SRCAP: variants seen among roughly 807,000 people sequenced by gnomAD.
SRCAP encodes Snf2 related CREBBP activator protein.
A neutral mutation model predicts 263.1 loss-of-function variants in SRCAP; 46 were observed. The ratio of observed to expected loss-of-function variants is 0.17; its 90% CI spans 0.14 to 0.22. SRCAP has a LOEUF of 0.22. Among genes scored for constraint, SRCAP ranks in the 10% least tolerant of loss-of-function variants. The probability of loss-of-function intolerance (pLI) is 1.00; values close to 1 mark genes in which losing one functional copy is unlikely to be tolerated. For missense variants in SRCAP, 3,695 were observed against 4,181.9 expected (o/e 0.88, Z 3.21); for synonymous variants, 1,813 against 1,662.1 (o/e 1.09, Z -2.21).
chr16:30,703,526 G>C (rs969327800), intron 3 of SRCAP, among the ~76,000 whole-genome samples: 6 of 151,668 alleles, frequency 4.0e-5, no homozygotes, highest in Non-Finnish European at 8.8e-5. Flanking sequence ...TTTGGGAACT[G>C]TGTAAATGTC....
At position 30,700,592 on chromosome 16, in the gene SRCAP, T is replaced by A. The variant is rs2052755491; in HGVS notation, c.-209-24T>A. 5 of 406,020 alleles carry A rather than the reference T, an allele frequency of 1.2e-5. No homozygotes were observed. In the East Asian group the frequency reaches 1.8e-4, roughly 15 times the overall value. The allele number at this position is 406,020 out of a possible 1,614,324, so 25.2% of individuals were successfully genotyped here. On this transcript the variant is annotated intron_variant, in intron 2 of 33. Transcript: ENST00000262518. ...CCCTTTAACTGCATTTCTGTCTTTTTTTTTTTTTTTAACCCTACTTTAGGT... is the reference window on the plus strand; with the variant it reads ...CCCTTTAACTGCATTTCTGTCTTTTATTTTTTTTTTAACCCTACTTTAGGT...
chr16:30,717,913 AT>A (rs747599108), intron 18 of SRCAP, among the ~76,000 whole-genome samples: 938 of 120,762 alleles, frequency 7.8e-3, no homozygotes, highest in Middle Eastern at 0.015. Flanking sequence ...GGCCCTGCTG[AT>A]TTTTTTTTTT....
At position 30,724,231 on chromosome 16, in the gene SRCAP, G is replaced by A. The variant is rs1261965599; in HGVS notation, c.4807G>A (p.Ala1603Thr). ...GACAGCAATTCTGGCTCCTTCTCCA[G>A]CTCCTCCTCTGGCTCCTCTTCCGGT... ...PQTAILAPSP[A>T]PPLAPLPVLA... The change falls in exon 25 of 34, where the codon GCT becomes ACT. Residue 1603 changes from alanine (A) to threonine (T), a missense_variant. Ala to Thr is a moderately conservative substitution (Grantham distance 58, BLOSUM62 0). This residue lies in a region of SRCAP where 1,347 missense variants were observed against 1,304.4 expected (regional missense o/e 1.03). Coordinates refer to ENST00000262518, the MANE Select transcript of SRCAP (RefSeq NM_006662.3). The A allele has an allele frequency of 3.1e-6, 5 of 1,613,964 alleles. No individual in the cohort carries two copies. The highest frequency in any genetic ancestry group is 4.2e-6 in the Non-Finnish European group (5 of 1,179,974).
intron 27 of SRCAP, among the ~76,000 whole-genome samples, chr16:30,730,606 A>G (rs1039996395): frequency 2.7e-5 from 4 of 149,612 alleles, no homozygotes; most frequent in Non-Finnish European, 5.9e-5. Context: ...TAATTTTTGT[A>G]TTTTTAGTAG....
chr16:30,724,921 T>A lies in SRCAP; in HGVS notation c.5497T>A (p.Leu1833Met), dbSNP rs768148981. 6.2e-7 allele frequency: 1 copy of A among 1,614,218 alleles called. No homozygotes were observed. The highest frequency in any genetic ancestry group is 8.5e-7 in the Non-Finnish European group (1 of 1,180,044). ...LVVSASGAAP[L>M]PVTMVSRLPV... ...GGTTTCGGCATCTGGTGCCGCTCCC[T>A]TGCCTGTCACCATGGTATCCCGGCT... Residue 1833 changes from leucine (L) to methionine (M), a missense_variant, in exon 25 of 34, where the codon TTG (leucine) becomes ATG (methionine). Around this residue, in one of 12 missense-constraint regions of SRCAP, gnomAD observed 1,347 missense variants for 1,304.4 expected, o/e 1.03. Coordinates refer to ENST00000262518, the MANE Select transcript of SRCAP (RefSeq NM_006662.3).
At chr16:30,730,948 G>A (rs890031557) in intron 27 of SRCAP, among the ~76,000 whole-genome samples, 13 of 152,182 alleles carry the variant, frequency 8.5e-5, no homozygotes, top group Admixed American at 5.2e-4. Context: ...GATTACACAC[G>A]TGAGCCATTG....
chr16:30,716,092 A>G lies in SRCAP; in HGVS notation c.2520A>G (p.Arg840=), dbSNP rs550330289. ...HKVLRPFLLR[R]VKVDVEKQMP... ...TTTTGAGGCCTTTTTTACTGCGCCG[A>G]GTTAAGGTGGATGTTGAGAAGCAGA... Residue 840 remains arginine, a synonymous_variant, in exon 17 of 34, where the codon CGA becomes CGG. Coordinates refer to ENST00000262518, the MANE Select transcript of SRCAP (RefSeq NM_006662.3). 4 of 1,613,998 alleles carry G rather than the reference A, an allele frequency of 2.5e-6. No homozygotes were observed. In the South Asian group the frequency reaches 4.4e-5, roughly 18 times the overall value.
chr16:30,716,144 C>T lies in SRCAP; in HGVS notation c.2572C>T (p.Arg858Cys), dbSNP rs200723469. The T allele has an allele frequency of 1.1e-4, 182 of 1,614,142 alleles. No homozygotes were observed. Among genetic ancestry groups the T allele is most frequent in the Middle Eastern group, 5.0e-4 (3 of 6,060 alleles). ...QMPKKYEHVI[R>C]CRLSKRQRCL... is the part of the protein sequence containing the mutation. ...GCCCAAAAAGTACGAGCATGTTATCCGCTGCAGGCTCTCCAAGCGTCAACG... is the reference window on the plus strand; with the variant it reads ...GCCCAAAAAGTACGAGCATGTTATCTGCTGCAGGCTCTCCAAGCGTCAACG... The change falls in exon 17 of 34, where the codon CGC becomes TGC. Residue 858 changes from arginine to cysteine, a missense_variant. Around this residue, in one of 12 missense-constraint regions of SRCAP, gnomAD observed 147 missense variants for 212.7 expected, o/e 0.69. Coordinates refer to ENST00000262518, the MANE Select transcript of SRCAP (RefSeq NM_006662.3).
Position 30,738,935 on chromosome 16 carries a change from G to C in SRCAP, c.8895G>C (p.Arg2965=). The stretch of plus-strand genomic sequence containing the variant: ...CAGGGGATGGCAACTCCGAAAGTCG[G>C]ACACAGCCACCCCCACACCCATCAC... ...SSAGDGNSES[R]TQPPPHPSPL... is the part of the protein sequence containing the mutation. The change falls in exon 34 of 34, where the codon CGG becomes CGC. Residue 2965 remains arginine (R), a synonymous_variant. Transcript: ENST00000262518. The C allele has an allele frequency of 6.2e-7, 1 of 1,614,012 alleles. No individual in the cohort carries two copies. Among genetic ancestry groups the C allele is most frequent in the Middle Eastern group, 1.7e-4 (1 of 6,060 alleles).
intron 30 of SRCAP, 96 bp from the exon 31 acceptor site, chr16:30,734,400 G>C (rs781517497): frequency 1.9e-6 from 3 of 1,547,762 alleles, no homozygotes; most frequent in African/African-American, 1.4e-5. Context: ...TCAACCAGTG[G>C]TACCCCTGAC....
In SRCAP at chr16:30,710,054, C is replaced by T. The variant is rs2052870456; in HGVS notation, c.1060C>T (p.Pro354Ser). The T allele has an allele frequency of 1.9e-6, 3 of 1,614,082 alleles. 1 individual carries two copies. In the South Asian group the frequency reaches 3.3e-5, roughly 18 times the overall value. Residue 354 changes from proline (P) to serine (S), a missense_variant, in exon 8 of 34, where the codon CCC (proline) becomes TCC (serine). Around this residue, in one of 12 missense-constraint regions of SRCAP, gnomAD observed 288 missense variants for 302.4 expected, o/e 0.95. Transcript: ENST00000262518. ...AGGGCCTTCCAGCCCCTCTCAAACC[C>T]CCTCATCTCATGATAGTGACACCCG... ...LEGPSSPSQT[P>S]SSHDSDTRDG...
At chr16:30,707,483 C>T (rs979930252) in intron 5 of SRCAP, 89 bp from the exon 6 acceptor site, 11 of 1,605,390 alleles carry the variant, frequency 6.9e-6, no homozygotes, top group African/African-American at 5.4e-5. Context: ...TCTTGATTTT[C>T]CAGATTTCTT....
chr16:30,720,681 T>A, intron 19 of SRCAP, 32 bp from the exon 20 acceptor site: 1 of 1,563,428 alleles, frequency 6.4e-7, no homozygotes, highest in Non-Finnish European at 8.7e-7. Flanking sequence ...TCTCCTTCTG[T>A]CCCTACCCAC....
chr16:30,712,087 A>G lies in SRCAP; in HGVS notation c.1745A>G (p.Lys582Arg). The G allele has an allele frequency of 6.2e-7, 1 of 1,614,114 alleles. No individual in the cohort carries two copies. Among genetic ancestry groups the G allele is most frequent in the Non-Finnish European group, 8.5e-7 (1 of 1,180,036 alleles). The change falls in exon 12 of 34, where the codon AAA (lysine) becomes AGA (arginine). Residue 582 changes from lysine to arginine, a missense_variant. Coordinates refer to ENST00000262518, the MANE Select transcript of SRCAP (RefSeq NM_006662.3). ...TPGPTTLGPKKEITDIAAAAE... is the reference protein window; with the variant it reads ...TPGPTTLGPKREITDIAAAAE... ...GGGCCCACTACTCTAGGTCCAAAGA[A>G]AGAAATTACTGACATTGCTGCAGCA...
rs2052755863 is a variant in SRCAP at position 30,700,643 on chromosome 16, G to A, written c.-182G>A. ...GCTCCAGAGGCTGGTGGACCTGAGC[G>A]GAGGCTGGGACGCCCTGGTGGGCCC... On this transcript the variant is annotated 5_prime_UTR_variant, in exon 3 of 34. Transcript: ENST00000262518. The A allele has an allele frequency of 1.0e-5, 5 of 479,506 alleles. No individual in the cohort carries two copies. The South Asian group carries it at 1.8e-4, about 17-fold the overall frequency. The allele number at this position is 479,506 out of a possible 1,614,324, so 29.7% of individuals were successfully genotyped here. A position where few individuals can be genotyped will look rare whatever the true frequency, so the allele number is the denominator to read the frequency against.
chr16:30,713,430 G>A, intron 15 of SRCAP, 53 bp downstream of exon 15: 7 of 1,611,894 alleles, frequency 4.3e-6, no homozygotes, highest in Non-Finnish European at 5.9e-6. Flanking sequence ...AGAAGGGAGG[G>A]CTGCCTGGGT....
chr16:30,729,329 A>G (rs889125987), intron 26 of SRCAP, 41 bp from the exon 27 acceptor site: 1 of 1,611,052 alleles, frequency 6.2e-7, no homozygotes, highest in Non-Finnish European at 8.5e-7. Flanking sequence ...GGGGCATTTC[A>G]GAGTCCCATC....
At chr16:30,721,104 G>C in intron 20 of SRCAP, 85 bp from the exon 21 acceptor site, 1 of 1,540,796 alleles carries the variant, frequency 6.5e-7, no homozygotes, top group Non-Finnish European at 8.7e-7. Flanking sequence ...TATTTGATGG[G>C]TTGGAAGGGA....
In SRCAP at chr16:30,720,768, C is replaced by T; in HGVS notation, c.3043C>T (p.Pro1015Ser). ...CCGGACAGTGGTGGTGGTGAACAAC[C>T]CACGGGCGCCCCTGGGCCCTGTCCC... ...EGRTVVVVNN[P>S]RAPLGPVPVR... Residue 1015 changes from proline to serine, a missense_variant, in exon 20 of 34, where the codon CCA becomes TCA. Physicochemically the swap from Pro to Ser is moderately conservative, Grantham distance 74. This residue lies in a region of SRCAP where 1,347 missense variants were observed against 1,304.4 expected (regional missense o/e 1.03). Transcript: ENST00000262518. The T allele has an allele frequency of 6.2e-7, 1 of 1,613,884 alleles. No individual in the cohort carries two copies. The highest frequency in any genetic ancestry group is 1.1e-5 in the South Asian group (1 of 91,036).
Sources: gnomAD v4.1 joint callset for allele counts (sites outside exome capture counted in the v4.1 genomes callset) on GRCh38, gnomAD v4.1.1 for gene constraint, gnomAD v4.1.1 regional missense constraint, MANE v1.5 for transcripts, NCBI Gene and HGNC (gene_info 2026-07-23, HGNC 2026-07-21) for gene names.